The following EPHA7 variants were observed in gnomAD, a reference collection of about 807,000 sequenced individuals.
EPHA7 encodes EPH receptor A7.
Under a neutral mutation model 112.6 loss-of-function variants are expected in EPHA7, and 25 were observed. The observed-to-expected ratio is 0.22, with a 90% CI of 0.16 to 0.31. EPHA7 has a LOEUF of 0.31. EPHA7 is among the 10% of genes least tolerant of loss of function. EPHA7 has a pLI of 1.00. For missense variants in EPHA7, 962 were observed against 1,212.6 expected (o/e 0.79, Z 3.07); for synonymous variants, 437 against 406.5 (o/e 1.07, Z -0.90).
chr6:93,246,211 C>T (rs1232921057), intron 15 of EPHA7, among the ~76,000 whole-genome samples: 1 of 151,966 alleles, frequency 6.6e-6, no homozygotes, highest in Non-Finnish European at 1.5e-5. Flanking sequence ...GCCACCACGC[C>T]CAGCTAATTT....
At chr6:93,287,512 T>G (rs979359433) in intron 5 of EPHA7, among the ~76,000 whole-genome samples, 3 of 151,502 alleles carry the variant, frequency 2.0e-5, no homozygotes, top group African/African-American at 7.3e-5. Flanking sequence ...GTTTTTCTCC[T>G]GTCTGGTTGA....
intron 1 of EPHA7, among the ~76,000 whole-genome samples, chr6:93,416,671 A>C (rs1226090060): frequency 3.9e-5 from 6 of 152,234 alleles, no homozygotes; most frequent in African/African-American, 1.4e-4. Flanking sequence ...CGCTCGGAGC[A>C]GAGTGCCGAC....
intron 5 of EPHA7, among the ~76,000 whole-genome samples, chr6:93,337,248 A>C (rs936154330): frequency 6.6e-6 from 1 of 152,202 alleles, no homozygotes; most frequent in Non-Finnish European, 1.5e-5. Context: ...CAGTGATCAA[A>C]AGCAAGGTTC....
rs542680713 is a variant in EPHA7 at position 93,251,729 on chromosome 6, A to G, written c.2532+2918T>C. On this transcript the variant is annotated intron_variant, in intron 14 of 16. Coordinates refer to ENST00000369303, the MANE Select transcript of EPHA7 (RefSeq NM_004440.4). Reference sequence around the variant, plus strand: ...CAGTTAAAAGATGGCTGCTGTGAAAACCAAAAGGATATTTTCAATTTCCAC... The same window carrying G: ...CAGTTAAAAGATGGCTGCTGTGAAAGCCAAAAGGATATTTTCAATTTCCAC... 6.6e-5 allele frequency among the ~76,000 whole-genome samples: 10 copies of G among 152,072 alleles called. No homozygotes were observed. In the South Asian group the frequency reaches 2.1e-3, roughly 32 times the overall value.
chr6:93,292,876 A>C (rs1166648266), intron 5 of EPHA7, among the ~76,000 whole-genome samples: 1 of 152,156 alleles, frequency 6.6e-6, no homozygotes, highest in African/African-American at 2.4e-5. Flanking sequence ...GCTCCTGCCA[A>C]GTGCTCCATT....
intron 5 of EPHA7, among the ~76,000 whole-genome samples, chr6:93,330,874 A>G (rs564677944): frequency 2.0e-5 from 3 of 151,508 alleles, no homozygotes; most frequent in African/African-American, 7.2e-5. Context: ...CTTGGGTATC[A>G]GCTGAGAAGG....
intron 5 of EPHA7, among the ~76,000 whole-genome samples, chr6:93,315,168 A>G (rs1466383731): frequency 1.3e-5 from 2 of 151,744 alleles, no homozygotes; most frequent in Non-Finnish European, 2.9e-5. Flanking sequence ...GGCCGACAAT[A>G]TAATTTTCTT....
In EPHA7 at chr6:93,254,796, C is replaced by T; in HGVS notation, c.2383G>A (p.Gly795Ser). 1.9e-6 allele frequency: 3 copies of T among 1,608,522 alleles called. No homozygotes were observed. The highest frequency in any genetic ancestry group is 2.2e-5 in the South Asian group (2 of 90,150). Residue 795 changes from glycine to serine, a missense_variant and splice_region_variant, in exon 14 of 17, where the codon GGT (glycine) becomes AGT (serine). Coordinates refer to ENST00000369303, the MANE Select transcript of EPHA7 (RefSeq NM_004440.4). The stretch of plus-strand genomic sequence containing the variant: ...GTCCACCTTACTGGAATTTTTCCAC[C>T]CTGTTATAAAAAGAAATGAACATTT... ...DDPEAVYTTT[G>S]GKIPVRWTAP...
In EPHA7 at chr6:93,380,210, A is replaced by C. The variant is rs1195179967; in HGVS notation, c.833-21799T>G. 2.6e-5 allele frequency among the ~76,000 whole-genome samples: 4 copies of C among 152,228 alleles called. No individual in the cohort carries two copies. The South Asian group carries it at 8.3e-4, about 32-fold the overall frequency. ...GACCAAACACATCAAATCTAATAATATCTCTCATAATTCCTGCGCTCCAGT... is the reference window on the plus strand; with the variant it reads ...GACCAAACACATCAAATCTAATAATCTCTCTCATAATTCCTGCGCTCCAGT... On this transcript the variant is annotated intron_variant, in intron 3 of 16. Coordinates refer to ENST00000369303, the MANE Select transcript of EPHA7 (RefSeq NM_004440.4).
chr6:93,336,568 AT>A (rs1047764168), intron 5 of EPHA7, among the ~76,000 whole-genome samples: 1 of 151,788 alleles, frequency 6.6e-6, no homozygotes, highest in Admixed American at 6.6e-5. Context: ...ACGCCTAGCT[AT>A]TTTTTTTATT....
chr6:93,393,923 A>T (rs1778033593), intron 3 of EPHA7, among the ~76,000 whole-genome samples: 1 of 151,834 alleles, frequency 6.6e-6, no homozygotes, highest in South Asian at 2.1e-4. Context: ...TTGTATCTGT[A>T]CTCCAGACAG....
chr6:93,353,379 C>T (rs980704246), intron 5 of EPHA7, among the ~76,000 whole-genome samples: 6 of 152,014 alleles, frequency 3.9e-5, no homozygotes, highest in Admixed American at 2.6e-4. Flanking sequence ...CTTTTCAATA[C>T]AAATCTATCT....
intron 5 of EPHA7, among the ~76,000 whole-genome samples, chr6:93,281,712 A>G (rs1269555001): frequency 6.6e-6 from 1 of 152,188 alleles, no homozygotes; most frequent in Non-Finnish European, 1.5e-5. Flanking sequence ...AAATAATAGT[A>G]TTCCAATCTC....
At chr6:93,412,930 A>G (rs566691783) in intron 2 of EPHA7, among the ~76,000 whole-genome samples, 1 of 152,056 alleles carries the variant, frequency 6.6e-6, no homozygotes, top group African/African-American at 2.4e-5. Flanking sequence ...AAACCCAATT[A>G]ATTTTTATTT....
At chr6:93,311,821 GA>G (rs1278706878) in intron 5 of EPHA7, among the ~76,000 whole-genome samples, 1 of 152,176 alleles carries the variant, frequency 6.6e-6, no homozygotes, top group Non-Finnish European at 1.5e-5. Context: ...CTTGAAAGGT[GA>G]AATTACTCTT....
intron 3 of EPHA7, among the ~76,000 whole-genome samples, chr6:93,384,207 C>T (rs1052931817): frequency 1.3e-5 from 2 of 152,136 alleles, no homozygotes; most frequent in Non-Finnish European, 2.9e-5. Context: ...TTTTACTAAA[C>T]ACTAGTTCTA....
rs147763361 is a variant in EPHA7 at position 93,327,330 on chromosome 6, T to G, written c.1324+29387A>C. On this transcript the variant is annotated intron_variant, in intron 5 of 16. Transcript: ENST00000369303. ...CATTCTCTGTCACTTTTCCTGATTG[T>G]TCTTCATCATCCAGTGCCCTGGCAC... Among the ~76,000 whole-genome samples, 365 of 151,642 alleles carry G rather than the reference T, an allele frequency of 2.4e-3. 4 individuals carry two copies. The highest frequency in any genetic ancestry group is 0.017 in the Admixed American group (250 of 15,144).
At chr6:93,270,834 G>T (rs1460035356) in intron 6 of EPHA7, among the ~76,000 whole-genome samples, 2 of 151,806 alleles carry the variant, frequency 1.3e-5, no homozygotes, top group East Asian at 1.9e-4. Context: ...CAAACATCAC[G>T]CATGCGTGCA....
intron 5 of EPHA7, among the ~76,000 whole-genome samples, chr6:93,310,525 C>T (rs1176214124): frequency 4.6e-5 from 7 of 151,900 alleles, no homozygotes; most frequent in Non-Finnish European, 1.0e-4. Context: ...GTTAGCCGGG[C>T]GTGGTGGCGG....
Sources: allele counts gnomAD v4.1 joint callset (sites outside exome capture counted in the v4.1 genomes callset), GRCh38; gene constraint gnomAD v4.1.1; transcripts MANE v1.5; gene names NCBI Gene and HGNC (gene_info 2026-07-23, HGNC 2026-07-21).